Variants in DCLK2 observed in about 807,000 individuals in gnomAD.
DCLK2 encodes doublecortin like kinase 2, also known as serine/threonine-protein kinase DCLK2.
A neutral mutation model predicts 78.4 loss-of-function variants in DCLK2; 31 were observed. That is an observed-to-expected ratio of 0.40 (90% CI 0.30 to 0.53). DCLK2 has a LOEUF of 0.53. Ranked by LOEUF, DCLK2 falls within the 20% of genes least tolerant of loss-of-function variation. The probability of loss-of-function intolerance (pLI) is 0.61; values close to 1 mark genes in which losing one functional copy is unlikely to be tolerated. For missense variants in DCLK2, 872 were observed against 973.7 expected (o/e 0.90, Z 1.39); for synonymous variants, 407 against 374.9 (o/e 1.09, Z -0.99).
intron 3 of DCLK2, among the ~76,000 whole-genome samples, chr4:150,197,183 A>G (rs1462965195): frequency 6.6e-6 from 1 of 151,512 alleles, no homozygotes; most frequent in African/African-American, 2.4e-5. Context: ...AGAGAGAAAA[A>G]GCTATTTTCC....
At chr4:150,255,292 G>C (rs555467807) in intron 15 of DCLK2, among the ~76,000 whole-genome samples, 1 of 152,306 alleles carries the variant, frequency 6.6e-6, no homozygotes, top group South Asian at 2.1e-4. Context: ...AGCTTGATGG[G>C]CTTCCCTGGA....
intron 4 of DCLK2, 122 bp downstream of exon 4, chr4:150,198,225 C>A: frequency 1.3e-6 from 1 of 781,052 alleles, no homozygotes; most frequent in Non-Finnish European, 1.9e-6. Flanking sequence ...TCCAGAAAAA[C>A]AGAGATGATG....
chr4:150,102,566 G>A lies in DCLK2; in HGVS notation c.510G>A (p.Lys170=). Residue 170 remains lysine, a synonymous_variant, in exon 2 of 16, where the codon AAG becomes AAA. Transcript: ENST00000296550. ...NINPNWSVNI[K]GGTSRALAAA... ...ATCCAAACTGGTCTGTGAACATCAA[G>A]GGTGGGACATCCCGAGCGCTGGCTG... 3 of 1,614,154 alleles carry A rather than the reference G, an allele frequency of 1.9e-6. No homozygotes were observed. Among genetic ancestry groups the A allele is most frequent in the Non-Finnish European group, 2.5e-6 (3 of 1,180,020 alleles).
At chr4:150,080,119 C>CA (rs926022379) in intron 1 of DCLK2, among the ~76,000 whole-genome samples, 3 of 151,034 alleles carry the variant, frequency 2.0e-5, no homozygotes, top group African/African-American at 7.3e-5. Flanking sequence ...AAGCCCCCCC[C>CA]CCAGGTGATT....
At chr4:150,141,396 G>A (rs1206056108) in intron 2 of DCLK2, among the ~76,000 whole-genome samples, 2 of 152,278 alleles carry the variant, frequency 1.3e-5, no homozygotes, top group Middle Eastern at 3.4e-3. Context: ...AGGTGTTTCT[G>A]TTGGTGTTTC....
At position 150,208,606 on chromosome 4, in the gene DCLK2, G is replaced by C. The variant is rs552457846; in HGVS notation, c.1056+4717G>C. On this transcript the variant is annotated intron_variant, in intron 5 of 15. Coordinates refer to ENST00000296550, the MANE Select transcript of DCLK2 (RefSeq NM_001040260.4). ...AGAGATTGGGAGGGGAATAGGGAGG[G>C]GGAGGTGTGGGAAAAAGAGAGAGGA... is the stretch of plus-strand genomic sequence containing the variant. Among the ~76,000 whole-genome samples the C allele has an allele frequency of 2.6e-5, 4 of 152,122 alleles. No individual in the cohort carries two copies. The East Asian group carries it at 5.8e-4, about 22-fold the overall frequency.
At chr4:150,210,366 A>G (rs1580722670) in intron 5 of DCLK2, among the ~76,000 whole-genome samples, 1 of 152,204 alleles carries the variant, frequency 6.6e-6, no homozygotes, top group East Asian at 1.9e-4. Context: ...AGGGGGAAAG[A>G]GAAGGTGAGA....
intron 2 of DCLK2, among the ~76,000 whole-genome samples, chr4:150,164,586 G>C (rs1420793345): frequency 6.6e-6 from 1 of 152,132 alleles, no homozygotes; most frequent in Non-Finnish European, 1.5e-5. Context: ...ATCACCTGAG[G>C]TCAAGAGTTC....
intron 2 of DCLK2, among the ~76,000 whole-genome samples, chr4:150,116,367 C>T (rs1732090375): frequency 6.6e-6 from 1 of 152,220 alleles, no homozygotes; most frequent in Non-Finnish European, 1.5e-5. Flanking sequence ...CAGACTTTCC[C>T]TGCTGAGCCC....
Position 150,078,834 on chromosome 4 carries a change from A to C in DCLK2, c.-194A>C. ...TGACCTGGGCAGCTCGGCGCTGCGG[A>C]CACTTTTAGCTGAGGGCGCGGGCGG... On this transcript the variant is annotated 5_prime_UTR_variant, in exon 1 of 16. Transcript: ENST00000296550. 1.7e-6 allele frequency: 1 copy of C among 605,384 alleles called. No individual in the cohort carries two copies. Among genetic ancestry groups the C allele is most frequent in the Middle Eastern group, 4.5e-4 (1 of 2,210 alleles). The allele number at this position is 605,384 out of a possible 1,614,324, so 37.5% of individuals were successfully genotyped here.
chr4:150,139,572 C>A (rs1733966670), intron 2 of DCLK2, among the ~76,000 whole-genome samples: 1 of 152,196 alleles, frequency 6.6e-6, no homozygotes, highest in Admixed American at 6.6e-5. Flanking sequence ...AAGTGAGAAT[C>A]TACAGAAAGA....
chr4:150,175,154 T>TTTATATTTTTTATATATATATA (rs1736950420), intron 2 of DCLK2, among the ~76,000 whole-genome samples: 1 of 130,470 alleles, frequency 7.7e-6, no homozygotes, highest in African/African-American at 2.9e-5. Context: ...ATTTTATATA[T>TTTATATTTTTTATATATATATA]ATTTATAATT....
At chr4:150,168,579 G>C (rs547056576) in intron 2 of DCLK2, among the ~76,000 whole-genome samples, 36 of 152,254 alleles carry the variant, frequency 2.4e-4, no homozygotes, top group Non-Finnish European at 3.8e-4. Flanking sequence ...GACGCATGTG[G>C]ATTCACCACC....
intron 2 of DCLK2, among the ~76,000 whole-genome samples, chr4:150,107,378 G>GT (rs201080236): frequency 0.016 from 1,945 of 125,162 alleles, 75 homozygotes; most frequent in African/African-American, 0.045. Flanking sequence ...TTTGGTTATT[G>GT]TTTTTTTTTT....
chr4:150,218,758 C>T (rs955648622), intron 5 of DCLK2, among the ~76,000 whole-genome samples: 11 of 152,188 alleles, frequency 7.2e-5, no homozygotes, highest in Admixed American at 6.5e-4. Context: ...CATGTGAGTC[C>T]ACTGGTCACT....
rs369287324 is a variant in DCLK2, at chr4:150,156,464, TAGTG to T, written c.757-36671_757-36668del. 6.2e-4 allele frequency among the ~76,000 whole-genome samples: 93 copies of T among 150,494 alleles called. 1 individual carries two copies. The highest frequency in any genetic ancestry group is 2.2e-3 in the African/African-American group (90 of 40,958). On this transcript the variant is annotated intron_variant, in intron 2 of 15. Coordinates refer to ENST00000296550, the MANE Select transcript of DCLK2 (RefSeq NM_001040260.4). ...GAGTTAAAAACCAGATGGGGCAACA[TAGTG>T]AGGCCGTCTCTACCAAAATAAATAA...
At chr4:150,130,771 A>G (rs968375844) in intron 2 of DCLK2, among the ~76,000 whole-genome samples, 17 of 152,240 alleles carry the variant, frequency 1.1e-4, no homozygotes, top group African/African-American at 3.4e-4. Context: ...AGCATGGCAG[A>G]GGATACGGAG....
intron 2 of DCLK2, chr4:150,175,392 C>G (rs1010373711): frequency 6.6e-6 from 1 of 151,504 alleles, no homozygotes; most frequent in Non-Finnish European, 1.5e-5. Flanking sequence ...ACAGAACCAG[C>G]AATTGTGGTC....
At chr4:150,184,213 T>G (rs932570407) in intron 2 of DCLK2, among the ~76,000 whole-genome samples, 1 of 152,182 alleles carries the variant, frequency 6.6e-6, no homozygotes, top group Non-Finnish European at 1.5e-5. Context: ...CTATCTTGAG[T>G]GAGTTAGAGT....
Sources: allele counts gnomAD v4.1 joint callset (sites outside exome capture counted in the v4.1 genomes callset), GRCh38; gene constraint gnomAD v4.1.1; transcripts MANE v1.5; gene names NCBI Gene and HGNC (gene_info 2026-07-23, HGNC 2026-07-21).